The following XPNPEP3 variants were observed in gnomAD, a reference collection of about 807,000 sequenced individuals.
XPNPEP3 encodes the protein xaa-Pro aminopeptidase 3.
XPNPEP3 carries 41 observed loss-of-function variants against 60.0 expected under a neutral mutation model. The observed-to-expected ratio is 0.68, with a 90% confidence interval of 0.53 to 0.89. XPNPEP3 has a LOEUF of 0.89. XPNPEP3 is among the 40% of genes least tolerant of loss of function. The pLI, the probability that XPNPEP3 is intolerant of heterozygous loss-of-function variation, is 0.00. For missense variants in XPNPEP3, 598 were observed against 638.9 expected (o/e 0.94, Z 0.69); for synonymous variants, 212 against 223.2 (o/e 0.95, Z 0.45).
At position 40,931,255 on chromosome 22, in the gene XPNPEP3, G is replaced by A. The variant is rs532166381; in HGVS notation, c.*4820G>A. The A allele has an allele frequency of 6.6e-6, 1 of 152,212 alleles. No individual in the cohort carries two copies. Among genetic ancestry groups the A allele is most frequent in the African/African-American group, 2.4e-5 (1 of 41,540 alleles). The allele number at this position is 152,212 out of a possible 1,614,324, so 9.4% of individuals were successfully genotyped here. On this transcript the variant is annotated 3_prime_UTR_variant, in exon 10 of 10. Transcript: ENST00000357137. ...TGTTACTACTGGAATTTTTCTCCCTGAATTGAAGATACATGGTTAGATCAT... is the reference window on the plus strand; with the variant it reads ...TGTTACTACTGGAATTTTTCTCCCTAAATTGAAGATACATGGTTAGATCAT...
chr22:40,895,060 C>G (rs2058102387), intron 4 of XPNPEP3, among the ~76,000 whole-genome samples: 1 of 152,154 alleles, frequency 6.6e-6, no homozygotes, highest in South Asian at 2.1e-4. Context: ...TTCTGCTGGA[C>G]TCTGAACATC....
chr22:40,860,974 C>G, intron 1 of XPNPEP3: 2 of 1,239,224 alleles, frequency 1.6e-6, no homozygotes, highest in Non-Finnish European at 2.2e-6. Context: ...TTGAAAAGCT[C>G]TTAGTATAGT....
intron 3 of XPNPEP3, among the ~76,000 whole-genome samples, chr22:40,884,491 G>T (rs973368246): frequency 6.6e-6 from 1 of 151,200 alleles, no homozygotes; most frequent in Admixed American, 6.6e-5. Flanking sequence ...CACCATGCCC[G>T]GGGAATTTTT....
intron 1 of XPNPEP3, among the ~76,000 whole-genome samples, chr22:40,868,399 C>G (rs2057988879): frequency 6.6e-6 from 1 of 151,634 alleles, no homozygotes; most frequent in Non-Finnish European, 1.5e-5. Flanking sequence ...TTCATAGCTC[C>G]TTATTCATAC....
intron 2 of XPNPEP3, among the ~76,000 whole-genome samples, chr22:40,878,062 C>T (rs761162743): frequency 2.6e-5 from 4 of 152,000 alleles, no homozygotes; most frequent in East Asian, 1.9e-4. Context: ...CAAAATTAGC[C>T]GGGCGTGGTG....
Position 40,898,225 on chromosome 22 carries a change from A to ATTTTT in XPNPEP3, c.793-9327_793-9323dup, listed in dbSNP as rs71200626. Among the ~76,000 whole-genome samples the ATTTTT allele has an allele frequency of 3.5e-4, 10 of 28,784 alleles. 4 individuals are homozygous for ATTTTT. Among genetic ancestry groups the ATTTTT allele is most frequent in the African/African-American group, 4.8e-4 (3 of 6,278 alleles). 18.9% of individuals were successfully genotyped at this position (28,784 alleles called of 152,430 possible). A position where few individuals can be genotyped will look rare whatever the true frequency, so the allele number is the denominator to read the frequency against. The stretch of plus-strand genomic sequence containing the variant: ...TGTTTTATGTTTAGGTCTTTGACCC[A>ATTTTT]TTTTTTTTTTTTTTTTTTTTTTTTT... On this transcript the variant is annotated intron_variant, in intron 4 of 9. Coordinates refer to ENST00000357137, the MANE Select transcript of XPNPEP3 (RefSeq NM_022098.4).
intron 4 of XPNPEP3, among the ~76,000 whole-genome samples, chr22:40,906,614 G>T (rs142036157): frequency 6.6e-6 from 1 of 152,124 alleles, no homozygotes; most frequent in Admixed American, 6.6e-5. Context: ...CTCCCACGAG[G>T]AATTATCTGG....
chr22:40,863,497 C>G (rs1350906075), intron 1 of XPNPEP3, among the ~76,000 whole-genome samples: 1 of 152,176 alleles, frequency 6.6e-6, no homozygotes, highest in Non-Finnish European at 1.5e-5. Flanking sequence ...TGCTTCTAGT[C>G]TTTCAAGACC....
At position 40,858,675 on chromosome 22, in the gene XPNPEP3, G is replaced by A. The variant is rs745790297; in HGVS notation, c.64+1430G>A. ...GCCTCCCGAGTAGCTGGGATTACAG[G>A]CGCCCGCCACCACGCCTGGCTAATT... On this transcript the variant is annotated intron_variant, in intron 1 of 9. Coordinates refer to ENST00000357137, the MANE Select transcript of XPNPEP3 (RefSeq NM_022098.4). Among the ~76,000 whole-genome samples the A allele has an allele frequency of 6.7e-4, 102 of 151,910 alleles. No individual in the cohort carries two copies. In the Middle Eastern group the frequency reaches 0.014, roughly 20 times the overall value.
rs116758113 is a variant in XPNPEP3 at position 40,922,324 on chromosome 22, C to A, written c.1056-9C>A. 2 of 1,613,620 alleles carry A rather than the reference C, an allele frequency of 1.2e-6. No homozygotes were observed. The highest frequency in any genetic ancestry group is 3.3e-5 in the Admixed American group (2 of 59,950). ...CTAAGTTCAGGTTCTTTGGTTTTCC[C>A]GTCCCCAGGTTCACCGCACCTCAGG... On this transcript the variant is annotated splice_polypyrimidine_tract_variant and intron_variant, in intron 7 of 9. Transcript: ENST00000357137.
chr22:40,861,898 CAG>C, intron 1 of XPNPEP3: 2 of 1,613,900 alleles, frequency 1.2e-6, no homozygotes, highest in Non-Finnish European at 1.7e-6. Context: ...GGATTTTTAT[CAG>C]GGTGCCATTT....
intron 2 of XPNPEP3, among the ~76,000 whole-genome samples, chr22:40,877,532 A>G (rs548856166): frequency 6.6e-6 from 1 of 152,306 alleles, no homozygotes; most frequent in East Asian, 1.9e-4. Context: ...TTCGAGAGGC[A>G]TGATCTTAAG....
intron 2 of XPNPEP3, among the ~76,000 whole-genome samples, chr22:40,873,098 C>CTTTTTTTTTTT (rs138353): frequency 1.5e-3 from 136 of 88,508 alleles, no homozygotes; most frequent in East Asian, 3.0e-3. Context: ...TTTTCTTTTT[C>CTTTTTTTTTTT]TTTTTTTTTT....
At chr22:40,866,801 C>A (rs534785546) in intron 1 of XPNPEP3, among the ~76,000 whole-genome samples, 4 of 152,258 alleles carry the variant, frequency 2.6e-5, no homozygotes, top group Admixed American at 2.0e-4. Context: ...TAATTTATGT[C>A]TCCTGTTAAA....
intron 6 of XPNPEP3, among the ~76,000 whole-genome samples, chr22:40,911,245 C>G (rs1030777563): frequency 4.6e-4 from 70 of 152,112 alleles, no homozygotes; most frequent in African/African-American, 1.7e-3. Context: ...ATCTTTAGCA[C>G]TATTCATTTC....
In XPNPEP3 at chr22:40,861,698, T is replaced by G. The variant is rs150637191; in HGVS notation, c.64+4453T>G. 7.1e-5 allele frequency: 115 copies of G among 1,613,992 alleles called. No individual in the cohort carries two copies. The highest frequency in any genetic ancestry group is 9.3e-5 in the Non-Finnish European group (110 of 1,180,016). On this transcript the variant is annotated intron_variant, in intron 1 of 9. Transcript: ENST00000357137. ...AAAATGGATCCCTTTCATGAAAAAT[T>G]TCTTTAAAAACATCATCTGGCTTAT...
At chr22:40,903,524 T>C (rs927663488) in intron 4 of XPNPEP3, among the ~76,000 whole-genome samples, 6 of 151,816 alleles carry the variant, frequency 4.0e-5, no homozygotes, top group Non-Finnish European at 8.8e-5. Context: ...GGAATCTTAC[T>C]CTGTCGCCCA....
chr22:40,884,503 TG>T (rs1334500629), intron 3 of XPNPEP3, among the ~76,000 whole-genome samples: 2 of 151,018 alleles, frequency 1.3e-5, no homozygotes, highest in Non-Finnish European at 1.5e-5. Flanking sequence ...GGAATTTTTC[TG>T]TTTTTTTTTA....
At chr22:40,875,036 A>C (rs972514445) in intron 2 of XPNPEP3, among the ~76,000 whole-genome samples, 1 of 152,190 alleles carries the variant, frequency 6.6e-6, no homozygotes, top group Admixed American at 6.5e-5. Context: ...TAGTAGACTA[A>C]AAGTTTTGTA....
Sources: gnomAD v4.1 joint callset for allele counts (sites outside exome capture counted in the v4.1 genomes callset) on GRCh38, gnomAD v4.1.1 for gene constraint, MANE v1.5 for transcripts, NCBI Gene and HGNC (gene_info 2026-07-23, HGNC 2026-07-21) for gene names.